Variants in ROR2 observed in about 807,000 individuals in gnomAD.
ROR2 encodes ROR family WNT receptor 2.
ROR2 carries 33 observed loss-of-function variants against 74.9 expected under a neutral mutation model. That is an observed-to-expected ratio of 0.44 (90% CI 0.33 to 0.59). The LOEUF is 0.59. Ranked by LOEUF, ROR2 falls within the 20% of genes least tolerant of loss-of-function variation. The pLI is 0.02. For synonymous variants in ROR2, 586 were observed against 558.7 expected, an observed-to-expected ratio of 1.05 and a Z score of -0.69; for missense variants, 1,216 against 1,313.8, an observed-to-expected ratio of 0.93 and a Z score of 1.15.
At chr9:91,739,299 G>A (rs1328952963) in intron 4 of ROR2, among the ~76,000 whole-genome samples, 1 of 152,088 alleles carries the variant, frequency 6.6e-6, no homozygotes, top group Admixed American at 6.5e-5. Flanking sequence ...TTGAGCCCAG[G>A]AGATCGAGAC....
chr9:91,786,438 A>T (rs1564275730), intron 1 of ROR2, among the ~76,000 whole-genome samples: 1 of 152,128 alleles, frequency 6.6e-6, no homozygotes, highest in Non-Finnish European at 1.5e-5. Context: ...TCTAGGATGA[A>T]CTTGCTCTCT....
intron 2 of ROR2, among the ~76,000 whole-genome samples, chr9:91,760,957 G>A (rs941807961): frequency 1.3e-5 from 2 of 151,926 alleles, no homozygotes; most frequent in Non-Finnish European, 2.9e-5. Flanking sequence ...TATTATTTCT[G>A]TCTAAATGAC....
chr9:91,865,542 T>G (rs139486884), intron 1 of ROR2, among the ~76,000 whole-genome samples: 1 of 152,360 alleles, frequency 6.6e-6, no homozygotes, highest in Admixed American at 6.5e-5. Context: ...CAAAAGCAGT[T>G]AGGTAAATAC....
At chr9:91,920,945 C>G (rs556733839) in intron 1 of ROR2, among the ~76,000 whole-genome samples, 11 of 152,320 alleles carry the variant, frequency 7.2e-5, no homozygotes, top group Non-Finnish European at 1.2e-4. Flanking sequence ...ATGAAAATAA[C>G]TCATATTGAA....
intron 1 of ROR2, among the ~76,000 whole-genome samples, chr9:91,900,681 C>T (rs1830656272): frequency 1.3e-5 from 2 of 152,196 alleles, no homozygotes; most frequent in South Asian, 4.1e-4. Flanking sequence ...GCAGCTGGGC[C>T]GCCAAGGCCA....
chr9:91,838,674 G>C (rs10992129), intron 1 of ROR2, among the ~76,000 whole-genome samples: 38,309 of 151,960 alleles, frequency 0.25, 5,249 homozygotes, highest in Admixed American at 0.42. Context: ...TAGAGACCCC[G>C]AGCACCACGG....
chr9:91,949,807 G>T, intron 1 of ROR2, 60 bp downstream of exon 1: 1 of 1,095,204 alleles, frequency 9.1e-7, no homozygotes. Context: ...GGCGGCGGAA[G>T]GGCTGGCCAA....
At chr9:91,826,344 G>A (rs1401045315) in intron 1 of ROR2, among the ~76,000 whole-genome samples, 3 of 152,030 alleles carry the variant, frequency 2.0e-5, no homozygotes, top group Non-Finnish European at 4.4e-5. Context: ...TTATTTCATC[G>A]TGTTTTTAAC....
chr9:91,779,735 G>A (rs373980848), intron 1 of ROR2, among the ~76,000 whole-genome samples: 1 of 152,150 alleles, frequency 6.6e-6, no homozygotes, highest in East Asian at 1.9e-4. Flanking sequence ...AGCCAAGTAT[G>A]CACCCTAACC....
chr9:91,731,057 G>A lies in ROR2; in HGVS notation c.1036C>T (p.His346Tyr), dbSNP rs1470477074. 1 of 1,614,116 alleles carries A rather than the reference G, an allele frequency of 6.2e-7. No homozygotes were observed. Among genetic ancestry groups the A allele is most frequent in the Admixed American group, 1.7e-5 (1 of 60,024 alleles). ...TCTGTGCTGGACAGGTGGTGGCTGT[G>A]GGGGTGCTGCAGGGCCCACGGCTGG... ...QCQPWALQHP[H>Y]SHHLSSTDFP... The change falls in exon 7 of 9, where the codon CAC (histidine) becomes TAC (tyrosine). Residue 346 changes from histidine (H) to tyrosine (Y), a missense_variant. Coordinates refer to ENST00000375708, the MANE Select transcript of ROR2 (RefSeq NM_004560.4).
chr9:91,741,752 C>G (rs746302811), intron 4 of ROR2, among the ~76,000 whole-genome samples: 22 of 152,258 alleles, frequency 1.4e-4, no homozygotes, highest in Non-Finnish European at 2.8e-4. Flanking sequence ...ATCTGTGACT[C>G]ACCAGGAGAC....
chr9:91,871,790 G>A (rs1339980754), intron 1 of ROR2, among the ~76,000 whole-genome samples: 1 of 152,150 alleles, frequency 6.6e-6, no homozygotes, highest in Admixed American at 6.5e-5. Context: ...CATGCTGTGA[G>A]AAGGCCAAGC....
chr9:91,909,823 CTTTT>C (rs72401656), intron 1 of ROR2, among the ~76,000 whole-genome samples: 23,297 of 57,818 alleles, frequency 0.4, 2,899 homozygotes, highest in East Asian at 0.52. Flanking sequence ...AATCTTTATT[CTTTT>C]TTTTTTTTAG....
chr9:91,854,168 G>T (rs895166877), intron 1 of ROR2, among the ~76,000 whole-genome samples: 2 of 152,196 alleles, frequency 1.3e-5, no homozygotes, highest in Non-Finnish European at 2.9e-5. Flanking sequence ...AAGGCAGCTG[G>T]AGCATTCACT....
At chr9:91,909,415 T>C (rs984591797) in intron 1 of ROR2, among the ~76,000 whole-genome samples, 1 of 152,142 alleles carries the variant, frequency 6.6e-6, no homozygotes, top group Non-Finnish European at 1.5e-5. Flanking sequence ...GGCTGGAGTG[T>C]AGTGGCCTAC....
chr9:91,858,482 G>A (rs958084290), intron 1 of ROR2, among the ~76,000 whole-genome samples: 7 of 152,122 alleles, frequency 4.6e-5, no homozygotes, highest in African/African-American at 9.7e-5. Flanking sequence ...GAGGAGCAGC[G>A]GCTGCAGCCC....
At chr9:91,880,817 C>A (rs762763117) in intron 1 of ROR2, among the ~76,000 whole-genome samples, 10 of 152,198 alleles carry the variant, frequency 6.6e-5, no homozygotes, top group Non-Finnish European at 1.5e-4. Context: ...GGGAAATGTT[C>A]CAGACTGGAG....
intron 7 of ROR2, among the ~76,000 whole-genome samples, chr9:91,730,155 C>CTGGT (rs1837185800): frequency 6.6e-6 from 1 of 152,084 alleles, no homozygotes; most frequent in Admixed American, 6.6e-5. Context: ...GTTGCTCAGA[C>CTGGT]TGGTTTCAAG....
intron 1 of ROR2, among the ~76,000 whole-genome samples, chr9:91,875,306 G>A (rs187582480): frequency 5.5e-4 from 84 of 152,322 alleles, no homozygotes; most frequent in Admixed American, 7.2e-4. Context: ...TGGTAATAGG[G>A]AGTATTGTAG....
Sources: allele counts gnomAD v4.1 joint callset (sites outside exome capture counted in the v4.1 genomes callset), GRCh38; gene constraint gnomAD v4.1.1; transcripts MANE v1.5; gene names NCBI Gene and HGNC (gene_info 2026-07-23, HGNC 2026-07-21).